Variants in HOMER2 observed in about 807,000 individuals in gnomAD.
The protein encoded by HOMER2 is homer scaffold protein 2, also known as homer protein homolog 2.
In HOMER2, 27 loss-of-function variants were observed where a neutral mutation model predicts 47.0. That is an observed-to-expected ratio of 0.57 (90% CI 0.42 to 0.79). The LOEUF (loss-of-function observed/expected upper bound fraction) is 0.79. Among genes scored for constraint, HOMER2 ranks in the 30% least tolerant of loss-of-function variants. HOMER2 has a pLI of 0.00. For missense variants in HOMER2, 443 were observed against 435.0 expected (o/e 1.02, Z -0.16); for synonymous variants, 161 against 163.8 (o/e 0.98, Z 0.13).
At chr15:82,845,549 T>TGG (rs2051231773), downstream of HOMER2, 1 of 152,222 alleles carries the variant, frequency 6.6e-6, no homozygotes. Context: ...AAAATATACA[T>TGG]GGACATTGAT....
chr15:82,854,416 A>G (rs1323958329), intron 6 of HOMER2, among the ~76,000 whole-genome samples: 2 of 152,188 alleles, frequency 1.3e-5, no homozygotes, highest in African/African-American at 4.8e-5. Flanking sequence ...AAAAAAAAAG[A>G]AAGAAAATAA....
chr15:82,862,083 T>C (rs76920819), intron 4 of HOMER2, among the ~76,000 whole-genome samples: 2 of 145,978 alleles, frequency 1.4e-5, no homozygotes, highest in African/African-American at 5.1e-5. Flanking sequence ...TTTTTTTTTT[T>C]AATAGAGATG....
At chr15:82,983,247 C>A (rs2030456929) in intron 1 of HOMER2, among the ~76,000 whole-genome samples, 2 of 152,280 alleles carry the variant, frequency 1.3e-5, no homozygotes, top group Middle Eastern at 3.4e-3. Flanking sequence ...AAGTACCCTG[C>A]CACTGAATGC....
In HOMER2 at chr15:82,938,711, C is replaced by A. The variant is rs2054194709; in HGVS notation, c.5+13820G>T. Among the ~76,000 whole-genome samples the A allele has an allele frequency of 2.0e-5, 3 of 152,200 alleles. No individual in the cohort carries two copies. The South Asian group carries it at 6.2e-4, about 32-fold the overall frequency. ...ATACTCACTTATTAAATGCATTTTG[C>A]CTGCAAATGGATTTGTGTTTTCACA... On this transcript the variant is annotated intron_variant, in intron 1 of 8. Transcript: ENST00000450735.
chr15:82,836,111 G>C (rs943560800), downstream of HOMER2: 1 of 152,216 alleles, frequency 6.6e-6, no homozygotes, highest in South Asian at 2.1e-4. Flanking sequence ...TGGCCCAATT[G>C]TGTCTTCTGT....
chr15:82,985,381 C>T (rs1225578745), intron 1 of HOMER2, among the ~76,000 whole-genome samples: 1 of 151,928 alleles, frequency 6.6e-6, no homozygotes, highest in Non-Finnish European at 1.5e-5. Context: ...AGAGGCAGGA[C>T]ATCAATGAGA....
chr15:82,903,283 C>T (rs561433597), intron 1 of HOMER2, among the ~76,000 whole-genome samples: 12 of 152,210 alleles, frequency 7.9e-5, no homozygotes, highest in African/African-American at 2.9e-4. Flanking sequence ...GTTTCCAGTT[C>T]AGCACGTGAA....
chr15:82,860,460 A>T (rs1175899758), intron 4 of HOMER2, among the ~76,000 whole-genome samples: 4 of 152,198 alleles, frequency 2.6e-5, no homozygotes, highest in Admixed American at 6.5e-5. Context: ...AGGAAGGTCC[A>T]TTATACAATT....
chr15:82,879,414 T>C (rs1567030646), intron 2 of HOMER2, among the ~76,000 whole-genome samples: 1 of 152,154 alleles, frequency 6.6e-6, no homozygotes, highest in African/African-American at 2.4e-5. Context: ...GAGGATTACC[T>C]GGGGCTCCGG....
chr15:82,928,829 C>T (rs79275587), intron 1 of HOMER2, among the ~76,000 whole-genome samples: 9,116 of 150,944 alleles, frequency 0.06, 495 homozygotes, highest in African/African-American at 0.15. Flanking sequence ...AAACCAGTCC[C>T]GAAAACCACA....
chr15:82,965,874 C>T (rs1458115339), intron 1 of HOMER2, among the ~76,000 whole-genome samples: 1 of 151,524 alleles, frequency 6.6e-6, no homozygotes, highest in Non-Finnish European at 1.5e-5. Context: ...ATGGGAGGAT[C>T]GCTTGAGCCC....
intron 3 of HOMER2, among the ~76,000 whole-genome samples, chr15:82,865,751 G>A (rs981134686): frequency 3.3e-5 from 5 of 152,190 alleles, no homozygotes; most frequent in African/African-American, 1.2e-4. Context: ...GGGACAGCTC[G>A]GGCCATGGCT....
chr15:82,850,191 T>G (rs1297742688), intron 8 of HOMER2, among the ~76,000 whole-genome samples: 1 of 152,264 alleles, frequency 6.6e-6, no homozygotes, highest in Non-Finnish European at 1.5e-5. Flanking sequence ...CGCAGAGTCC[T>G]GCCTGAGGGA....
intron 1 of HOMER2, among the ~76,000 whole-genome samples, chr15:82,933,338 T>C (rs1238005370): frequency 1.3e-5 from 2 of 152,084 alleles, no homozygotes. Context: ...GGAATTCTGC[T>C]GTCTCAGCCT....
rs529481697 is a variant in HOMER2 at position 82,899,500 on chromosome 15, T to C, written c.6-6659A>G. Reference sequence around the variant, plus strand: ...GTGGACAGAAATTTTTTCTTGTACATTCTCCCATGCAAAGAATCTAACTTA... The same window carrying C: ...GTGGACAGAAATTTTTTCTTGTACACTCTCCCATGCAAAGAATCTAACTTA... On this transcript the variant is annotated intron_variant, in intron 1 of 8. Coordinates refer to ENST00000450735, the MANE Select transcript of HOMER2 (RefSeq NM_004839.4). Among the ~76,000 whole-genome samples, 160 of 152,350 alleles carry C rather than the reference T, an allele frequency of 1.1e-3. No homozygotes were observed. The Middle Eastern group carries it at 0.024, about 23-fold the overall frequency.
At chr15:82,837,247 C>T (rs2051136737) in exon 2 of HOMER2, 1 of 152,232 alleles carries the variant, frequency 6.6e-6, no homozygotes, top group Non-Finnish European at 1.5e-5. Flanking sequence ...TCTGGGCCCA[C>T]CCGGATAATC....
In HOMER2 at chr15:82,860,573, T is replaced by C. The variant is rs191172726; in HGVS notation, c.388-1438A>G. ...CCTTAACTTAAAAAGGGGTAGGTAA[T>C]TGATATTCACAAAAGAAGAAAAGCA... On this transcript the variant is annotated intron_variant, in intron 4 of 8. Coordinates refer to ENST00000450735, the MANE Select transcript of HOMER2 (RefSeq NM_004839.4). 1.2e-4 allele frequency among the ~76,000 whole-genome samples: 18 copies of C among 152,248 alleles called. No homozygotes were observed. The East Asian group carries it at 3.5e-3, about 29-fold the overall frequency.
chr15:82,954,698 C>A (rs1046822370), upstream of HOMER2, among the ~76,000 whole-genome samples: 6 of 152,008 alleles, frequency 3.9e-5, no homozygotes, highest in African/African-American at 2.4e-5. Context: ...ATAGGTATAT[C>A]GATATAAAAT....
intron 1 of HOMER2, among the ~76,000 whole-genome samples, chr15:82,898,623 C>T (rs1321620124): frequency 6.6e-6 from 1 of 152,134 alleles, no homozygotes; most frequent in Non-Finnish European, 1.5e-5. Flanking sequence ...AGTAATTGTT[C>T]CCAAGAATAA....
Sources: gnomAD v4.1 joint callset for allele counts (sites outside exome capture counted in the v4.1 genomes callset) on GRCh38, gnomAD v4.1.1 for gene constraint, MANE v1.5 for transcripts, NCBI Gene and HGNC (gene_info 2026-07-23, HGNC 2026-07-21) for gene names.